Variants in CNTNAP2 observed in about 807,000 individuals in gnomAD.
The protein encoded by CNTNAP2 is contactin-associated protein-like 2.
CNTNAP2 carries 98 observed loss-of-function variants against 155.2 expected under a neutral mutation model. The ratio of observed to expected loss-of-function variants is 0.63; its 90% confidence interval spans 0.54 to 0.75. The LOEUF (loss-of-function observed/expected upper bound fraction) is 0.75. CNTNAP2 is among the 30% of genes least tolerant of loss of function. CNTNAP2 has a pLI of 0.00. For synonymous variants in CNTNAP2, 651 were observed against 631.2 expected (o/e 1.03, Z -0.47); for missense variants, 1,727 against 1,688.1 (o/e 1.02, Z -0.40).
chr7:147,175,616 A>T (rs1054222697), intron 8 of CNTNAP2, among the ~76,000 whole-genome samples: 2 of 152,170 alleles, frequency 1.3e-5, no homozygotes, highest in Non-Finnish European at 2.9e-5. Flanking sequence ...AACTTCACAC[A>T]TCTATTTAAA....
chr7:146,662,671 T>A (rs1261813591), intron 1 of CNTNAP2, among the ~76,000 whole-genome samples: 12 of 80,478 alleles, frequency 1.5e-4, no homozygotes, highest in Admixed American at 1.1e-3. Flanking sequence ...ATATAAAATA[T>A]CTTTGTGTAA....
rs34230909 is a variant in CNTNAP2 at position 148,278,569 on chromosome 7, C to CAAA, written c.3475+11460_3475+11462dup. 7.4e-3 allele frequency among the ~76,000 whole-genome samples: 867 copies of CAAA among 116,508 alleles called. 50 individuals are homozygous for CAAA. The highest frequency in any genetic ancestry group is 0.025 in the African/African-American group (772 of 30,302). 76.4% of individuals were successfully genotyped at this position (116,508 alleles called of 152,430 possible). A position where few individuals can be genotyped will look rare whatever the true frequency, so the allele number is the denominator to read the frequency against. On this transcript the variant is annotated intron_variant, in intron 21 of 23. Coordinates refer to ENST00000361727, the MANE Select transcript of CNTNAP2 (RefSeq NM_014141.6). The stretch of plus-strand genomic sequence containing the variant: ...TGGGCAACAGAGTGAGACTACATCT[C>CAAA]AAAAAAAAAAAAAAAAAAAGCCTGA...
chr7:146,585,864 G>T (rs746642089), intron 1 of CNTNAP2, among the ~76,000 whole-genome samples: 4 of 151,930 alleles, frequency 2.6e-5, no homozygotes, highest in Non-Finnish European at 5.9e-5. Flanking sequence ...CAAAGAATTG[G>T]GGTGGTCGTG....
intron 21 of CNTNAP2, among the ~76,000 whole-genome samples, chr7:148,369,656 ATT>A (rs1375100933): frequency 6.8e-6 from 1 of 147,860 alleles, no homozygotes; most frequent in East Asian, 1.9e-4. Context: ...TATTATTATT[ATT>A]ATTATTATTA....
chr7:146,436,532 A>C (rs896344644), intron 1 of CNTNAP2, among the ~76,000 whole-genome samples: 4 of 152,226 alleles, frequency 2.6e-5, no homozygotes, highest in Non-Finnish European at 4.4e-5. Context: ...TAATAGGAAA[A>C]TTTAAAATAA....
intron 3 of CNTNAP2, among the ~76,000 whole-genome samples, chr7:146,881,884 G>C (rs1225389491): frequency 1.3e-5 from 2 of 151,456 alleles, no homozygotes; most frequent in Non-Finnish European, 2.9e-5. Flanking sequence ...ATGGTGCTGA[G>C]GTTTGAAGCA....
At chr7:147,267,671 T>C (rs1176476694) in intron 8 of CNTNAP2, among the ~76,000 whole-genome samples, 2 of 111,712 alleles carry the variant, frequency 1.8e-5, no homozygotes, top group African/African-American at 3.2e-5. Flanking sequence ...ACTGTTAGCA[T>C]AGAATTGGGA....
intron 15 of CNTNAP2, among the ~76,000 whole-genome samples, chr7:148,017,337 T>C (rs1441466805): frequency 6.6e-6 from 1 of 152,232 alleles, no homozygotes; most frequent in African/African-American, 2.4e-5. Flanking sequence ...AACTACATTT[T>C]AGTAAACATT....
At chr7:146,376,999 CTCCAGA>C (rs1374804503) in intron 1 of CNTNAP2, among the ~76,000 whole-genome samples, 1 of 152,138 alleles carries the variant, frequency 6.6e-6, no homozygotes, top group African/African-American at 2.4e-5. Context: ...CCTTCTCAGC[CTCCAGA>C]AATGTGAGAA....
At chr7:147,987,396 T>G (rs1371074836) in intron 15 of CNTNAP2, among the ~76,000 whole-genome samples, 1 of 152,216 alleles carries the variant, frequency 6.6e-6, no homozygotes, top group Non-Finnish European at 1.5e-5. Context: ...ATTGACATGA[T>G]ATTTGTGTGC....
intron 11 of CNTNAP2, among the ~76,000 whole-genome samples, chr7:147,530,871 C>T (rs1352230278): frequency 6.6e-6 from 1 of 152,136 alleles, no homozygotes. Context: ...CACCTATGAG[C>T]CTGTAAAATC....
chr7:147,983,432 AC>A (rs1021576088), intron 15 of CNTNAP2, among the ~76,000 whole-genome samples: 82 of 149,294 alleles, frequency 5.5e-4, no homozygotes, highest in African/African-American at 1.9e-3. Flanking sequence ...GATACTGTTG[AC>A]AAAAAAAAAA....
intron 1 of CNTNAP2, among the ~76,000 whole-genome samples, chr7:146,515,368 T>C (rs1797525833): frequency 6.6e-6 from 1 of 152,104 alleles, no homozygotes; most frequent in Non-Finnish European, 1.5e-5. Context: ...CTTTTCTGCA[T>C]AGTGCTTGGC....
chr7:147,807,984 T>TC (rs200308605), intron 13 of CNTNAP2, among the ~76,000 whole-genome samples: 10 of 143,972 alleles, frequency 6.9e-5, no homozygotes, highest in African/African-American at 2.5e-4. Flanking sequence ...CACTTTCTTT[T>TC]TTAAAAAAAA....
At chr7:147,525,694 A>G (rs1257074725) in intron 11 of CNTNAP2, among the ~76,000 whole-genome samples, 1 of 152,248 alleles carries the variant, frequency 6.6e-6, no homozygotes, top group Non-Finnish European at 1.5e-5. Context: ...TAAGAAGGGA[A>G]GATTATGTTA....
At chr7:146,859,881 C>T (rs192687252) in intron 3 of CNTNAP2, among the ~76,000 whole-genome samples, 3 of 151,948 alleles carry the variant, frequency 2.0e-5, no homozygotes, top group East Asian at 1.9e-4. Flanking sequence ...ATTCAGCTGC[C>T]GGGCTAGGAA....
rs193228886 is a variant in CNTNAP2, at chr7:148,267,142, G to A, written c.3475+16G>A. The A allele has an allele frequency of 3.7e-5, 59 of 1,599,250 alleles. No homozygotes were observed. The Admixed American group carries it at 5.0e-4, about 14-fold the overall frequency. On this transcript the variant is annotated intron_variant, in intron 21 of 23. Transcript: ENST00000361727. ...AAAGTTATAGGTAAGAATGTGGTTCGTTAGGTATAAATGCGTGCTACAAAT... is the reference window on the plus strand; with the variant it reads ...AAAGTTATAGGTAAGAATGTGGTTCATTAGGTATAAATGCGTGCTACAAAT...
At chr7:147,963,142 G>C (rs1419278070) in intron 14 of CNTNAP2, among the ~76,000 whole-genome samples, 2 of 152,132 alleles carry the variant, frequency 1.3e-5, no homozygotes, top group Non-Finnish European at 2.9e-5. Context: ...TTGCAGTAAA[G>C]AGGACATAAT....
intron 13 of CNTNAP2, among the ~76,000 whole-genome samples, chr7:147,694,596 G>A (rs1796136338): frequency 6.6e-6 from 1 of 152,022 alleles, no homozygotes; most frequent in Non-Finnish European, 1.5e-5. Flanking sequence ...TTTCATCTAG[G>A]TCATCAAAAT....
Sources: allele counts gnomAD v4.1 joint callset (sites outside exome capture counted in the v4.1 genomes callset), GRCh38; gene constraint gnomAD v4.1.1; transcripts MANE v1.5; gene names NCBI Gene and HGNC (gene_info 2026-07-23, HGNC 2026-07-21).